The following RUVBL2 variants were observed in gnomAD, a reference collection of about 807,000 sequenced individuals.
The protein encoded by RUVBL2 is RuvB like AAA ATPase 2, also known as ruvB-like 2.
RUVBL2 carries 9 observed loss-of-function variants against 57.9 expected under a neutral mutation model. The ratio of observed to expected loss-of-function variants is 0.16; its 90% CI spans 0.09 to 0.27. The LOEUF (loss-of-function observed/expected upper bound fraction) is 0.27. Among genes scored for constraint, RUVBL2 ranks in the 10% least tolerant of loss-of-function variants. The pLI, the probability that RUVBL2 is intolerant of heterozygous loss-of-function variation, is 1.00. For synonymous variants in RUVBL2, 278 were observed against 264.6 expected, an observed-to-expected ratio of 1.05 and a Z score of -0.49; for missense variants, 456 against 669.6, an observed-to-expected ratio of 0.68 and a Z score of 3.52.
At chr19:48,993,704 G>A (rs1360483033), upstream of RUVBL2, 6 of 642,888 alleles carry the variant, frequency 9.3e-6, no homozygotes, top group Middle Eastern at 4.1e-4. Flanking sequence ...GAGACATTGG[G>A]AATGGACCCA....
At chr19:49,014,743 G>A (rs2039508478) in intron 12 of RUVBL2, 140 bp downstream of exon 12, 1 of 1,249,838 alleles carries the variant, frequency 8.0e-7, no homozygotes, top group Admixed American at 2.5e-5. Flanking sequence ...CCCAGACGGT[G>A]GCCTCCGATC....
intron 6 of RUVBL2, among the ~76,000 whole-genome samples, chr19:49,008,316 C>T (rs948090662): frequency 9.3e-5 from 14 of 149,790 alleles, no homozygotes; most frequent in East Asian, 5.9e-4. Flanking sequence ...TCTCAGCTCA[C>T]GGCAAGCTCT....
Position 49,003,351 on chromosome 19 carries a change from TG to T in RUVBL2, c.123+21del, listed in dbSNP as rs1227002962. 1 of 1,613,288 alleles carries T rather than the reference TG, an allele frequency of 6.2e-7. No individual in the cohort carries two copies. The highest frequency in any genetic ancestry group is 1.7e-5 in the Admixed American group (1 of 60,006). Reference sequence around the variant, plus strand: ...CCTCGGCAGGTAGAGCAGAGGAGGCTGGGGTGTGAGGGCCTCTCCATGAAGG... The same window carrying T: ...CCTCGGCAGGTAGAGCAGAGGAGGCTGGGTGTGAGGGCCTCTCCATGAAGG... On this transcript the variant is annotated intron_variant, in intron 3 of 14. Coordinates refer to ENST00000595090, the MANE Select transcript of RUVBL2 (RefSeq NM_006666.3).
intron 11 of RUVBL2, among the ~76,000 whole-genome samples, chr19:49,013,910 C>T (rs2039486737): frequency 6.6e-6 from 1 of 152,214 alleles, no homozygotes; most frequent in East Asian, 1.9e-4. Flanking sequence ...GAGACTCCGT[C>T]TCAAAAAACA....
chr19:49,013,389 T>C (rs1208901295), intron 11 of RUVBL2, among the ~76,000 whole-genome samples: 2 of 152,044 alleles, frequency 1.3e-5, no homozygotes, highest in African/African-American at 4.8e-5. Context: ...TGTGCCTTTT[T>C]TTTTTAAACT....
rs566408174 is a variant in RUVBL2, at chr19:49,014,420, C to T, written c.1002-64C>T. The T allele has an allele frequency of 2.2e-5, 34 of 1,568,942 alleles. No individual in the cohort carries two copies. In the African/African-American group the frequency reaches 4.5e-4, roughly 21 times the overall value. On this transcript the variant is annotated intron_variant, in intron 11 of 14. Transcript: ENST00000595090. Reference sequence around the variant, plus strand: ...GGTGGCGATGGGAGGTGAGAGTGTTCCCAGCAAAGGGAATGAAGAGGGAAC... The same window carrying T: ...GGTGGCGATGGGAGGTGAGAGTGTTTCCAGCAAAGGGAATGAAGAGGGAAC...
In RUVBL2 at chr19:49,011,255, C is replaced by G. The variant is rs1484917494; in HGVS notation, c.946C>G (p.Leu316Val). The G allele has an allele frequency of 6.2e-7, 1 of 1,613,872 alleles. No homozygotes were observed. The highest frequency in any genetic ancestry group is 8.5e-7 in the Non-Finnish European group (1 of 1,180,048). The change falls in exon 11 of 15, where the codon CTG becomes GTG. Residue 316 changes from leucine (L) to valine (V), a missense_variant. This residue lies in a region of RUVBL2 where 130 missense variants were observed against 243.0 expected (regional missense o/e 0.53). Transcript: ENST00000595090. The surrounding 1 kb of genome is among the most constrained non-coding windows in gnomAD (Gnocchi z 4.4). ...GAGCTTCTCCTTCCTCAACCGGGCC[C>G]TGGAGAGTGACATGGCGCCTGTCCT... ...IESFSFLNRA[L>V]ESDMAPVLIM...
intron 1 of RUVBL2, among the ~76,000 whole-genome samples, chr19:48,995,986 C>CAAAAA (rs562564350): frequency 1.2e-5 from 1 of 83,710 alleles, no homozygotes; most frequent in Non-Finnish European, 2.5e-5. Context: ...GGCTGTGTCT[C>CAAAAA]AAAAAAAAAA....
At chr19:48,993,544 G>C (rs2038986853), upstream of RUVBL2, 2 of 456,812 alleles carry the variant, frequency 4.4e-6, no homozygotes, top group Non-Finnish European at 8.1e-6. Flanking sequence ...TCAATCTGGA[G>C]CTGGAGGCCT....
At chr19:49,015,710 G>A (rs753788948) in intron 14 of RUVBL2, 24 bp downstream of exon 14, 2 of 1,611,406 alleles carry the variant, frequency 1.2e-6, no homozygotes, top group Non-Finnish European at 8.5e-7. Flanking sequence ...CCCCGCACCT[G>A]CACTGCCAGA....
At chr19:49,000,371 A>G (rs2039154689) in intron 2 of RUVBL2, among the ~76,000 whole-genome samples, 1 of 152,214 alleles carries the variant, frequency 6.6e-6, no homozygotes, top group Admixed American at 6.5e-5. Context: ...CCTGGCCAAC[A>G]TGGTGAAACC....
intron 8 of RUVBL2, 154 bp from the exon 9 acceptor site, chr19:49,010,334 A>G (rs1232661309): frequency 1.3e-6 from 1 of 784,798 alleles, no homozygotes; most frequent in Non-Finnish European, 2.1e-6. Context: ...AGTCCTGACT[A>G]CCTCCTGGGC....
At position 49,004,311 on chromosome 19, in the gene RUVBL2, G is replaced by C. The variant is rs2039242507; in HGVS notation, c.158G>C (p.Arg53Pro). 6.2e-7 allele frequency: 1 copy of C among 1,610,596 alleles called. No homozygotes were observed. The change falls in exon 4 of 15, where the codon CGG becomes CCG. Residue 53 changes from arginine (R) to proline (P), a missense_variant. Arg to Pro is a moderately radical substitution (Grantham distance 103). Coordinates refer to ENST00000595090, the MANE Select transcript of RUVBL2 (RefSeq NM_006666.3). Reference sequence around the variant, plus strand: ...GGCATGGTGGGTCAGCTGGCGGCACGGCGGGCGGCTGGCGTGGTGCTGGAG... The same window carrying C: ...GGCATGGTGGGTCAGCTGGCGGCACCGCGGGCGGCTGGCGTGGTGCTGGAG... ...SQGMVGQLAA[R>P]RAAGVVLEMI...
intron 1 of RUVBL2, among the ~76,000 whole-genome samples, chr19:48,998,448 A>T (rs1465237517): frequency 6.6e-6 from 1 of 152,034 alleles, no homozygotes; most frequent in African/African-American, 2.4e-5. Flanking sequence ...TAATCCCAGC[A>T]CTTTGGGAGG....
At chr19:48,996,531 TG>T (rs2039065038) in intron 1 of RUVBL2, among the ~76,000 whole-genome samples, 1 of 151,464 alleles carries the variant, frequency 6.6e-6, no homozygotes, top group Admixed American at 6.6e-5. Flanking sequence ...TGTGTGTGTG[TG>T]TGTGTGTGTT....
chr19:49,007,495 A>G (rs2122621431), intron 6 of RUVBL2, 127 bp downstream of exon 6: 3 of 764,796 alleles, frequency 3.9e-6, no homozygotes, highest in East Asian at 2.7e-5. Flanking sequence ...AGAGCCATGT[A>G]CATGCCTACA....
intron 13 of RUVBL2, 113 bp downstream of exon 13, chr19:49,015,263 G>T (rs1194680680): frequency 4.2e-6 from 6 of 1,430,140 alleles, no homozygotes; most frequent in Non-Finnish European, 5.7e-6. Context: ...CAGACGCAGG[G>T]AATTTTCATC....
intron 2 of RUVBL2, among the ~76,000 whole-genome samples, chr19:49,002,596 G>GT (rs1333309742): frequency 2.6e-5 from 4 of 151,572 alleles, no homozygotes; most frequent in Admixed American, 1.3e-4. Context: ...ATTTTATTTT[G>GT]TTTTACTGAG....
At chr19:49,010,467 T>TTC in intron 8 of RUVBL2, 21 bp from the exon 9 acceptor site, 3 of 1,401,208 alleles carry the variant, frequency 2.1e-6, no homozygotes, top group Non-Finnish European at 2.0e-6. Context: ...CCGCCGTTCT[T>TTC]CCCCCACCCC....
Sources: allele counts gnomAD v4.1 joint callset (sites outside exome capture counted in the v4.1 genomes callset), GRCh38; gene constraint gnomAD v4.1.1; regional missense constraint gnomAD v4.1.1; non-coding constraint Gnocchi (gnomAD v3.1); transcripts MANE v1.5; gene names NCBI Gene and HGNC (gene_info 2026-07-23, HGNC 2026-07-21).